Variants in VPS41 observed in about 807,000 individuals in gnomAD.
VPS41 encodes VPS41 subunit of HOPS complex.
In VPS41, 85 loss-of-function variants were observed where a neutral mutation model predicts 130.9. The observed-to-expected ratio is 0.65, with a 90% CI of 0.55 to 0.78. VPS41 has a LOEUF of 0.78. Ranked by LOEUF, VPS41 falls within the 30% of genes least tolerant of loss-of-function variation. The pLI is 0.00. For synonymous variants in VPS41, 335 were observed against 332.9 expected (o/e 1.01, Z -0.07); for missense variants, 874 against 1,018.7 (o/e 0.86, Z 1.93).
intron 4 of VPS41, among the ~76,000 whole-genome samples, chr7:38,851,604 T>C (rs1158565217): frequency 1.3e-5 from 2 of 152,246 alleles, no homozygotes; most frequent in Non-Finnish European, 2.9e-5. Flanking sequence ...AGTTTGGGAC[T>C]ATTACAAATA....
At chr7:38,789,722 G>T in intron 10 of VPS41, 79 bp downstream of exon 10, 1 of 1,404,302 alleles carries the variant, frequency 7.1e-7, no homozygotes, top group Non-Finnish European at 1.0e-6. Flanking sequence ...AAAGACTATG[G>T]CAGTCTGGGT....
intron 1 of VPS41, among the ~76,000 whole-genome samples, chr7:38,907,215 G>A (rs1467393906): frequency 1.3e-5 from 2 of 152,162 alleles, no homozygotes; most frequent in African/African-American, 4.8e-5. Flanking sequence ...AAGACATGAA[G>A]GAAATGAGGA....
intron 25 of VPS41, among the ~76,000 whole-genome samples, chr7:38,738,829 T>C (rs888006871): frequency 3.3e-5 from 5 of 152,206 alleles, no homozygotes; most frequent in Admixed American, 1.3e-4. Context: ...TATAAAAACA[T>C]AGAAAGTTAA....
At chr7:38,884,284 T>C (rs557208595) in intron 2 of VPS41, among the ~76,000 whole-genome samples, 3 of 152,324 alleles carry the variant, frequency 2.0e-5, no homozygotes, top group East Asian at 3.9e-4. Context: ...AGAAATTGCA[T>C]TTCATTTTAA....
intron 2 of VPS41, among the ~76,000 whole-genome samples, chr7:38,897,862 A>C (rs1273366355): frequency 6.6e-6 from 1 of 152,222 alleles, no homozygotes; most frequent in African/African-American, 2.4e-5. Context: ...TCAAGTTAAA[A>C]TATTGTTTCA....
chr7:38,878,228 A>C (rs1786531087), intron 2 of VPS41, among the ~76,000 whole-genome samples: 1 of 152,226 alleles, frequency 6.6e-6, no homozygotes, highest in South Asian at 2.1e-4. Flanking sequence ...AAAAATAGTA[A>C]GTCCAAGCAT....
intron 22 of VPS41, among the ~76,000 whole-genome samples, chr7:38,749,330 A>G (rs529127456): frequency 1.8e-4 from 28 of 152,322 alleles, no homozygotes; most frequent in East Asian, 9.7e-4. Context: ...CAATTAGCCA[A>G]TTGTTGGCAA....
At chr7:38,756,811 A>G (rs760144155) in intron 19 of VPS41, 27 bp downstream of exon 19, 8 of 1,417,120 alleles carry the variant, frequency 5.6e-6, no homozygotes, top group Non-Finnish European at 7.7e-6. Flanking sequence ...AAAATAATTG[A>G]CAGTACTAAA....
chr7:38,752,417 G>C, intron 21 of VPS41, 104 bp from the exon 22 acceptor site: 1 of 1,373,036 alleles, frequency 7.3e-7, no homozygotes, highest in South Asian at 1.3e-5. Context: ...GACAGGTTGG[G>C]GGAGAAGCAG....
intron 14 of VPS41, among the ~76,000 whole-genome samples, chr7:38,770,057 G>A (rs1784124553): frequency 6.6e-6 from 1 of 152,098 alleles, no homozygotes; most frequent in Non-Finnish European, 1.5e-5. Flanking sequence ...ATCACCTGAG[G>A]TCGGGAGTTC....
chr7:38,736,386 A>C (rs1795767498), intron 25 of VPS41, among the ~76,000 whole-genome samples: 1 of 152,256 alleles, frequency 6.6e-6, no homozygotes, highest in African/African-American at 2.4e-5. Flanking sequence ...CAGACTTCAC[A>C]AACACTGGCT....
intron 22 of VPS41, among the ~76,000 whole-genome samples, chr7:38,746,610 G>A (rs73125611): frequency 0.028 from 4,265 of 152,166 alleles, 86 homozygotes; most frequent in Middle Eastern, 0.065. Flanking sequence ...CTTGTGAGAA[G>A]CTTCAAGGGG....
chr7:38,749,791 T>C (rs1796056269), intron 22 of VPS41, among the ~76,000 whole-genome samples: 1 of 152,224 alleles, frequency 6.6e-6, no homozygotes, highest in African/African-American at 2.4e-5. Context: ...TACGATAGCT[T>C]TTCATGTCAC....
At chr7:38,871,719 A>G (rs1034139874) in intron 2 of VPS41, among the ~76,000 whole-genome samples, 4 of 152,244 alleles carry the variant, frequency 2.6e-5, no homozygotes, top group African/African-American at 9.6e-5. Flanking sequence ...AAATAATTAT[A>G]AACTGTGTGA....
chr7:38,795,227 C>T (rs1307640386), intron 9 of VPS41, among the ~76,000 whole-genome samples: 2 of 152,170 alleles, frequency 1.3e-5, no homozygotes, highest in Admixed American at 6.5e-5. Context: ...TTGAAAAAGA[C>T]AGCACCATTC....
intron 2 of VPS41, among the ~76,000 whole-genome samples, chr7:38,878,176 A>G (rs1786529952): frequency 6.6e-6 from 1 of 152,218 alleles, no homozygotes; most frequent in Non-Finnish European, 1.5e-5. Flanking sequence ...ACCAGAGAAA[A>G]CTAACAAAAG....
At chr7:38,890,882 CA>C in intron 2 of VPS41, among the ~76,000 whole-genome samples, 2 of 152,154 alleles carry the variant, frequency 1.3e-5, no homozygotes, top group South Asian at 4.1e-4. Flanking sequence ...GACGGGGTCT[CA>C]CTGTGTTGCC....
Position 38,888,763 on chromosome 7 carries a change from C to T in VPS41, c.60+9328G>A, listed in dbSNP as rs917697399. 9.2e-5 allele frequency among the ~76,000 whole-genome samples: 14 copies of T among 152,116 alleles called. 1 individual carries two copies. Among genetic ancestry groups the T allele is most frequent in the Admixed American group, 3.3e-4 (5 of 15,258 alleles). On this transcript the variant is annotated intron_variant, in intron 2 of 28. Coordinates refer to ENST00000310301, the MANE Select transcript of VPS41 (RefSeq NM_014396.4). ...ACATTGCACTTATTCTAAAATTGAC[C>T]ACATAAGTGGAAATAAAACACTCCT...
At chr7:38,888,399 T>G (rs767525072) in intron 2 of VPS41, among the ~76,000 whole-genome samples, 1 of 152,098 alleles carries the variant, frequency 6.6e-6, no homozygotes, top group Non-Finnish European at 1.5e-5. Context: ...AAAACAGACT[T>G]TAAACCAACA....
Sources: allele counts gnomAD v4.1 joint callset (sites outside exome capture counted in the v4.1 genomes callset), GRCh38; gene constraint gnomAD v4.1.1; transcripts MANE v1.5; gene names NCBI Gene and HGNC (gene_info 2026-07-23, HGNC 2026-07-21).